Variants in KIF18A observed in about 807,000 individuals in gnomAD.
KIF18A encodes kinesin family member 18A.
KIF18A carries 67 observed loss-of-function variants against 103.3 expected under a neutral mutation model. The observed-to-expected ratio is 0.65, with a 90% CI of 0.53 to 0.79. The LOEUF is 0.79. Among genes scored for constraint, KIF18A ranks in the 30% least tolerant of loss-of-function variants. The pLI is 0.00. For synonymous variants in KIF18A, 367 were observed against 355.5 expected (o/e 1.03, Z -0.36); for missense variants, 1,032 against 1,062.5 (o/e 0.97, Z 0.40).
At chr11:28,093,868 A>G (rs1851333985) in intron 3 of KIF18A, among the ~76,000 whole-genome samples, 1 of 152,166 alleles carries the variant, frequency 6.6e-6, no homozygotes, top group African/African-American at 2.4e-5. Flanking sequence ...TTTGAGGAGT[A>G]AGGAATATTT....
At chr11:28,092,837 T>C (rs1052990408) in intron 3 of KIF18A, among the ~76,000 whole-genome samples, 25 of 152,184 alleles carry the variant, frequency 1.6e-4, no homozygotes. Flanking sequence ...TGAAGAAATA[T>C]TTTTAAATCA....
At chr11:28,104,258 A>T (rs1851479501) in intron 1 of KIF18A, among the ~76,000 whole-genome samples, 1 of 152,186 alleles carries the variant, frequency 6.6e-6, no homozygotes, top group African/African-American at 2.4e-5. Context: ...CTATCCAATG[A>T]CTTCTCATCA....
intron 13 of KIF18A, among the ~76,000 whole-genome samples, chr11:28,049,340 G>A (rs953171842): frequency 2.6e-5 from 4 of 151,876 alleles, no homozygotes; most frequent in African/African-American, 9.7e-5. Context: ...TCACTAATGG[G>A]TTTAAAATCC....
At chr11:28,035,331 A>G (rs1319284434) in intron 15 of KIF18A, 56 bp downstream of exon 15, 1 of 850,022 alleles carries the variant, frequency 1.2e-6, no homozygotes, top group East Asian at 2.8e-5. Flanking sequence ...AGCATATAAT[A>G]TATAAAGATT....
chr11:28,077,272 C>G, intron 9 of KIF18A, 103 bp from the exon 10 acceptor site: 1 of 681,676 alleles, frequency 1.5e-6, no homozygotes, highest in South Asian at 2.3e-5. Flanking sequence ...ATGTAATTCA[C>G]AGAACTACAC....
chr11:28,069,420 T>A lies in KIF18A; in HGVS notation c.1429A>T (p.Thr477Ser). Reference protein sequence around the residue: ...MCSEDKVEKATGKRDHRLAML... With the variant: ...MCSEDKVEKASGKRDHRLAML... ...GCAAGTCTATGATCTCGTTTTCCAG[T>A]GGCCTGAAACACGATTCATTTAACA... Residue 477 changes from threonine to serine, a missense_variant, in exon 11 of 17, where the codon ACT (threonine) becomes TCT (serine). Coordinates refer to ENST00000263181, the MANE Select transcript of KIF18A (RefSeq NM_031217.4). The A allele has an allele frequency of 6.2e-7, 1 of 1,612,478 alleles. No individual in the cohort carries two copies. The highest frequency in any genetic ancestry group is 8.5e-7 in the Non-Finnish European group (1 of 1,179,330).
intron 6 of KIF18A, among the ~76,000 whole-genome samples, chr11:28,085,655 C>G (rs1851217829): frequency 6.6e-6 from 1 of 150,906 alleles, no homozygotes; most frequent in African/African-American, 2.5e-5. Flanking sequence ...TACCCTGCCC[C>G]CTTGTCTTGT....
intron 13 of KIF18A, among the ~76,000 whole-genome samples, chr11:28,047,139 A>C (rs1402604715): frequency 6.6e-6 from 1 of 151,872 alleles, no homozygotes; most frequent in Non-Finnish European, 1.5e-5. Flanking sequence ...CATATATTCC[A>C]ATAGAAAACA....
rs138960439 is a variant in KIF18A at position 28,066,832 on chromosome 11, T to C, written c.1590+2427A>G. Among the ~76,000 whole-genome samples, 1,255 of 148,878 alleles carry C rather than the reference T, an allele frequency of 8.4e-3. 7 individuals are homozygous for C. The highest frequency in any genetic ancestry group is 0.014 in the Non-Finnish European group (950 of 67,272). ...TATTATATTATATTATATTATATTATATGATGCAGTTAACTCTGTTGTTAA... is the reference window on the plus strand; with the variant it reads ...TATTATATTATATTATATTATATTACATGATGCAGTTAACTCTGTTGTTAA... On this transcript the variant is annotated intron_variant, in intron 11 of 16. Transcript: ENST00000263181.
At chr11:28,042,399 T>C (rs964479191) in intron 13 of KIF18A, among the ~76,000 whole-genome samples, 3 of 151,924 alleles carry the variant, frequency 2.0e-5, no homozygotes, top group Non-Finnish European at 2.9e-5. Flanking sequence ...AACAGGTTTA[T>C]AGACAGTTCC....
At position 28,021,120 on chromosome 11, in the gene KIF18A, T is replaced by A. The variant is rs1850235151; in HGVS notation, c.*80A>T. 1 of 1,284,690 alleles carries A rather than the reference T, an allele frequency of 7.8e-7. No homozygotes were observed. Among genetic ancestry groups the A allele is most frequent in the African/African-American group, 1.6e-5 (1 of 64,370 alleles). The allele number at this position is 1,284,690 out of a possible 1,614,324, so 79.6% of individuals were successfully genotyped here. A position where few individuals can be genotyped will look rare whatever the true frequency, so the allele number is the denominator to read the frequency against. ...AAGATGGGTCTTCTTTCAAAGATTT[T>A]AAATATATTTTTGAAAGGGTATTGA... is the stretch of plus-strand genomic sequence containing the variant. On this transcript the variant is annotated 3_prime_UTR_variant, in exon 17 of 17. Coordinates refer to ENST00000263181, the MANE Select transcript of KIF18A (RefSeq NM_031217.4).
At chr11:28,084,527 TA>T in intron 7 of KIF18A, 104 bp downstream of exon 7, 1 of 914,976 alleles carries the variant, frequency 1.1e-6, no homozygotes, top group Non-Finnish European at 1.6e-6. Context: ...CTCAGCTGCC[TA>T]ACTCATTATG....
chr11:28,080,841 A>T (rs980578719), intron 9 of KIF18A, among the ~76,000 whole-genome samples: 1 of 152,228 alleles, frequency 6.6e-6, no homozygotes, highest in Non-Finnish European at 1.5e-5. Flanking sequence ...TGCACAAAAC[A>T]TTTAGCCAAG....
At chr11:28,024,145 C>T (rs1174364761) in intron 15 of KIF18A, among the ~76,000 whole-genome samples, 1 of 132,682 alleles carries the variant, frequency 7.5e-6, no homozygotes, top group East Asian at 2.3e-4. Context: ...TAAGTAAGCA[C>T]TATTATTCAA....
intron 15 of KIF18A, among the ~76,000 whole-genome samples, chr11:28,033,820 A>G: frequency 6.6e-6 from 1 of 151,676 alleles, no homozygotes; most frequent in East Asian, 1.9e-4. Flanking sequence ...ACAGTCAACA[A>G]TAATGTATTG....
chr11:28,032,394 G>T (rs929480381), intron 15 of KIF18A, among the ~76,000 whole-genome samples: 3 of 151,708 alleles, frequency 2.0e-5, no homozygotes, highest in African/African-American at 7.3e-5. Flanking sequence ...AATCACAAAA[G>T]ACCCAGAATA....
chr11:28,037,171 G>A (rs911289568), intron 13 of KIF18A, among the ~76,000 whole-genome samples: 1 of 151,484 alleles, frequency 6.6e-6, no homozygotes, highest in East Asian at 1.9e-4. Context: ...GGGTTTGGGT[G>A]TCAGTGACCA....
At chr11:28,042,278 T>C (rs1410698284) in intron 13 of KIF18A, among the ~76,000 whole-genome samples, 1 of 151,850 alleles carries the variant, frequency 6.6e-6, no homozygotes, top group Non-Finnish European at 1.5e-5. Context: ...CCAAAGGCAA[T>C]TAATGGGTAA....
chr11:28,026,333 A>G (rs1850320481), intron 15 of KIF18A, among the ~76,000 whole-genome samples: 1 of 151,762 alleles, frequency 6.6e-6, no homozygotes, highest in Non-Finnish European at 1.5e-5. Context: ...ATACACAACT[A>G]AATATGTATA....
Sources: gnomAD v4.1 joint callset for allele counts (sites outside exome capture counted in the v4.1 genomes callset) on GRCh38, gnomAD v4.1.1 for gene constraint, MANE v1.5 for transcripts, NCBI Gene and HGNC (gene_info 2026-07-23, HGNC 2026-07-21) for gene names.